The following ZNF385D variants were observed in gnomAD, a reference collection of about 807,000 sequenced individuals.
ZNF385D encodes the protein zinc finger protein 385D.
Under a neutral mutation model 35.8 loss-of-function variants are expected in ZNF385D, and 15 were observed. The observed-to-expected ratio is 0.42, with a 90% CI of 0.28 to 0.64. ZNF385D has a LOEUF of 0.64. ZNF385D is among the 30% of genes least tolerant of loss of function. ZNF385D has a pLI of 0.23. For missense variants in ZNF385D, 474 were observed against 494.6 expected (o/e 0.96, Z 0.39); for synonymous variants, 212 against 186.8 (o/e 1.13, Z -1.10).
intron 2 of ZNF385D, among the ~76,000 whole-genome samples, chr3:21,660,726 C>A (rs908602176): frequency 6.6e-6 from 1 of 152,206 alleles, no homozygotes; most frequent in Non-Finnish European, 1.5e-5. Context: ...CTCCTTCGAT[C>A]TCTAGCATTT....
At chr3:22,179,152 T>C (rs951507182) in intron 2 of ZNF385D, among the ~76,000 whole-genome samples, 6 of 152,216 alleles carry the variant, frequency 3.9e-5, no homozygotes, top group Admixed American at 1.3e-4. Context: ...GGGGATGGCA[T>C]GGAATCTATA....
chr3:22,149,874 A>T (rs188015442), intron 3 of ZNF385D, among the ~76,000 whole-genome samples: 35 of 152,242 alleles, frequency 2.3e-4, no homozygotes, highest in Non-Finnish European at 3.5e-4. Context: ...CTAAGTATCA[A>T]TGGGTGATAA....
At chr3:22,029,312 C>G (rs1238566116) in intron 3 of ZNF385D, among the ~76,000 whole-genome samples, 1 of 152,012 alleles carries the variant, frequency 6.6e-6, no homozygotes, top group African/African-American at 2.4e-5. Flanking sequence ...TATAGGAGAT[C>G]CATTAGGGCT....
At chr3:21,997,860 C>CGT (rs1175431882) in intron 3 of ZNF385D, among the ~76,000 whole-genome samples, 3 of 75,918 alleles carry the variant, frequency 4.0e-5, no homozygotes, top group African/African-American at 1.2e-4. Flanking sequence ...CTATTTGGCG[C>CGT]GCGCGCGCGC....
intron 1 of ZNF385D, among the ~76,000 whole-genome samples, chr3:21,740,273 AC>A (rs1439978143): frequency 2.6e-5 from 4 of 152,184 alleles, no homozygotes; most frequent in Non-Finnish European, 5.9e-5. Flanking sequence ...ACTGGCCTCT[AC>A]AGCATAACTA....
intron 2 of ZNF385D, among the ~76,000 whole-genome samples, chr3:22,331,421 AAAAAG>A (rs1396266691): frequency 6.6e-6 from 1 of 152,210 alleles, no homozygotes; most frequent in Non-Finnish European, 1.5e-5. Flanking sequence ...TGAATAAAAC[AAAAAG>A]AAAACTTTGA....
chr3:21,992,185 CCAAA>C lies in ZNF385D; in HGVS notation c.325+176628_325+176631del, dbSNP rs1695190584. Among the ~76,000 whole-genome samples, 4 of 152,054 alleles carry C rather than the reference CCAAA, an allele frequency of 2.6e-5. 1 individual carries two copies. Among genetic ancestry groups the C allele is most frequent in the African/African-American group, 4.8e-5 (2 of 41,456 alleles). ...TAACCAAGCAATACCATAAATATTG[CCAAA>C]CAGACAACATAATATCTAATTTCAC... On this transcript the variant is annotated intron_variant, in intron 3 of 5. Coordinates refer to the ZNF385D transcript ENST00000494108.
At chr3:21,991,602 T>C (rs1695151916) in intron 3 of ZNF385D, among the ~76,000 whole-genome samples, 1 of 152,190 alleles carries the variant, frequency 6.6e-6, no homozygotes, top group Admixed American at 6.5e-5. Flanking sequence ...ATAAGAATGC[T>C]CTAGCACGAC....
At chr3:21,571,084 G>T (rs3860580) in intron 2 of ZNF385D, among the ~76,000 whole-genome samples, 135,827 of 152,138 alleles carry the variant, frequency 0.89, 60,823 homozygotes, top group African/African-American at 0.96. Context: ...TTTAAACATA[G>T]GCATACCCTC....
intron 2 of ZNF385D, among the ~76,000 whole-genome samples, chr3:22,239,866 C>A (rs527431459): frequency 2.0e-5 from 3 of 150,544 alleles, no homozygotes; most frequent in African/African-American, 7.4e-5. Context: ...GCACATAGAA[C>A]GTCAGAATTC....
chr3:22,173,405 G>T (rs766845394), intron 2 of ZNF385D, among the ~76,000 whole-genome samples: 9 of 152,138 alleles, frequency 5.9e-5, no homozygotes, highest in Non-Finnish European at 1.3e-4. Context: ...AATTGGATGG[G>T]AGGTCTATGG....
intron 3 of ZNF385D, among the ~76,000 whole-genome samples, chr3:22,064,795 G>A (rs1699847473): frequency 6.6e-6 from 1 of 152,176 alleles, no homozygotes; most frequent in South Asian, 2.1e-4. Flanking sequence ...TCCTGGGTGG[G>A]AAAAGGGAGA....
At chr3:21,701,784 C>T (rs938452485) in intron 1 of ZNF385D, among the ~76,000 whole-genome samples, 2 of 152,124 alleles carry the variant, frequency 1.3e-5, no homozygotes, top group Non-Finnish European at 2.9e-5. Flanking sequence ...TTACAGGGCC[C>T]ATGCAAGTCT....
rs146244153 is a variant in ZNF385D at position 22,310,028 on chromosome 3, A to C, written c.106+62422T>G. ...CACTTGAGAGATTAGAGTTATTTAC[A>C]TTGGGATGAGGATTGATCCAAGCAG... is the stretch of plus-strand genomic sequence containing the variant. On this transcript the variant is annotated intron_variant, in intron 2 of 5. Transcript: ENST00000494108. 2.3e-3 allele frequency among the ~76,000 whole-genome samples: 343 copies of C among 152,146 alleles called. 3 individuals are homozygous for C. The highest frequency in any genetic ancestry group is 2.6e-3 in the Non-Finnish European group (179 of 67,928).
chr3:21,615,794 G>C (rs892795831), intron 2 of ZNF385D, among the ~76,000 whole-genome samples: 6 of 27,880 alleles, frequency 2.2e-4, no homozygotes. Context: ...TGGAGAAAGA[G>C]TGTGTGTGTG....
chr3:21,704,518 T>C (rs901960305), intron 1 of ZNF385D, among the ~76,000 whole-genome samples: 1 of 152,100 alleles, frequency 6.6e-6, no homozygotes, highest in African/African-American at 2.4e-5. Flanking sequence ...TTTTATTTAT[T>C]TATTTATTGA....
At chr3:21,795,494 G>A (rs1247152857) in intron 3 of ZNF385D, among the ~76,000 whole-genome samples, 2 of 152,196 alleles carry the variant, frequency 1.3e-5, no homozygotes, top group East Asian at 3.8e-4. Context: ...TTGACAGTGA[G>A]GGAGACAATG....
chr3:22,074,270 G>C (rs1700363803), intron 3 of ZNF385D, among the ~76,000 whole-genome samples: 1 of 151,954 alleles, frequency 6.6e-6, no homozygotes, highest in Admixed American at 6.6e-5. Flanking sequence ...CTGGAGTGAA[G>C]ACATTGATTA....
chr3:21,856,045 G>A (rs2125820255), intron 3 of ZNF385D, among the ~76,000 whole-genome samples: 1 of 151,952 alleles, frequency 6.6e-6, no homozygotes, highest in East Asian at 1.9e-4. Context: ...TGTGTAACTT[G>A]GTTTTAAGAG....
Sources: gnomAD v4.1 joint callset for allele counts (sites outside exome capture counted in the v4.1 genomes callset) on GRCh38, gnomAD v4.1.1 for gene constraint, MANE v1.5 for transcripts, NCBI Gene and HGNC (gene_info 2026-07-23, HGNC 2026-07-21) for gene names.